NKAIN2: variants seen among roughly 807,000 people sequenced by gnomAD.
The protein encoded by NKAIN2 is sodium/potassium transporting ATPase interacting 2, also known as sodium/potassium-transporting ATPase subunit beta-1-interacting protein 2.
In NKAIN2, 14 loss-of-function variants were observed where a neutral mutation model predicts 32.6. The observed-to-expected ratio is 0.43, with a 90% confidence interval of 0.28 to 0.67. The LOEUF (loss-of-function observed/expected upper bound fraction) is 0.67, where lower values mean the gene tolerates loss of function less well. NKAIN2 is among the 30% of genes least tolerant of loss of function. The pLI is 0.17. For missense variants in NKAIN2, 198 were observed against 258.3 expected (o/e 0.77, Z 1.60); for synonymous variants, 80 against 87.2 (o/e 0.92, Z 0.46).
intron 3 of NKAIN2, among the ~76,000 whole-genome samples, chr6:124,522,433 G>A (rs777130909): frequency 4.1e-4 from 62 of 152,132 alleles, no homozygotes; most frequent in Admixed American, 1.3e-4. Context: ...ATTCCTTCAC[G>A]AGTAGATGTA....
intron 1 of NKAIN2, among the ~76,000 whole-genome samples, chr6:123,856,270 A>G (rs1042700552): frequency 2.0e-5 from 3 of 152,202 alleles, no homozygotes; most frequent in Non-Finnish European, 2.9e-5. Flanking sequence ...AACATTATGG[A>G]TATGTTAAGA....
chr6:124,619,735 A>G (rs1783040326), intron 3 of NKAIN2, among the ~76,000 whole-genome samples: 1 of 152,192 alleles, frequency 6.6e-6, no homozygotes, highest in South Asian at 2.1e-4. Context: ...AAAAATAATT[A>G]GTAATGTAAT....
chr6:124,494,592 A>C (rs1252648241), intron 3 of NKAIN2, among the ~76,000 whole-genome samples: 1 of 152,166 alleles, frequency 6.6e-6, no homozygotes, highest in Non-Finnish European at 1.5e-5. Flanking sequence ...ATTTAAAATC[A>C]TAACAGATAA....
rs76974682 is a variant in NKAIN2 at position 123,927,535 on chromosome 6, C to T, written c.54+123281C>T. On this transcript the variant is annotated intron_variant, in intron 1 of 6. Transcript: ENST00000368417. ...GGTCCCTGGATTGCTGGAATATGTC[C>T]GATGCCTCCAATTCTAGCTTCCATA... Among the ~76,000 whole-genome samples, 531 of 152,200 alleles carry T rather than the reference C, an allele frequency of 3.5e-3. 3 individuals carry two copies. The highest frequency in any genetic ancestry group is 0.012 in the African/African-American group (499 of 41,534).
intron 1 of NKAIN2, among the ~76,000 whole-genome samples, chr6:124,187,628 C>T (rs778905794): frequency 1.2e-4 from 18 of 152,172 alleles, no homozygotes; most frequent in Non-Finnish European, 2.1e-4. Context: ...TTTTGATAAA[C>T]ATGCTTATTT....
intron 3 of NKAIN2, among the ~76,000 whole-genome samples, chr6:124,381,697 A>G (rs77614964): frequency 0.02 from 2,979 of 152,288 alleles, 43 homozygotes; most frequent in Non-Finnish European, 0.031. Context: ...ACTGAATAAT[A>G]AAGATTAGCC....
intron 2 of NKAIN2, among the ~76,000 whole-genome samples, chr6:124,354,639 A>T (rs117328703): frequency 3.3e-4 from 50 of 152,146 alleles, no homozygotes; most frequent in African/African-American, 1.2e-3. Context: ...CTACACGGAG[A>T]TGGTTTTGCT....
chr6:123,874,263 G>A (rs1773055666), intron 1 of NKAIN2, among the ~76,000 whole-genome samples: 1 of 152,078 alleles, frequency 6.6e-6, no homozygotes, highest in African/African-American at 2.4e-5. Flanking sequence ...CCTAAATTCT[G>A]GTTTGTGACA....
At chr6:124,581,800 C>T (rs542789023) in intron 3 of NKAIN2, among the ~76,000 whole-genome samples, 1 of 152,110 alleles carries the variant, frequency 6.6e-6, no homozygotes, top group Admixed American at 6.5e-5. Context: ...TGTAAAACTT[C>T]TTGAAACAAA....
intron 1 of NKAIN2, among the ~76,000 whole-genome samples, chr6:124,164,262 T>C (rs1187923248): frequency 6.6e-6 from 1 of 152,016 alleles, no homozygotes; most frequent in Non-Finnish European, 1.5e-5. Flanking sequence ...AAACAGCATA[T>C]ACCCACGTTT....
In NKAIN2 at chr6:124,808,024, G is replaced by C. The variant is rs532475978; in HGVS notation, c.536-10363G>C. On this transcript the variant is annotated intron_variant, in intron 5 of 6. Coordinates refer to ENST00000368417, the MANE Select transcript of NKAIN2 (RefSeq NM_001040214.3). Reference sequence around the variant, plus strand: ...ACCAACCAAAAAGAGTCCAGGACCAGATGGATTCACAGCCAAATTCTACCA... The same window carrying C: ...ACCAACCAAAAAGAGTCCAGGACCACATGGATTCACAGCCAAATTCTACCA... Among the ~76,000 whole-genome samples the C allele has an allele frequency of 4.6e-3, 689 of 150,326 alleles. 5 individuals are homozygous for C. The highest frequency in any genetic ancestry group is 0.016 in the African/African-American group (657 of 41,296).
chr6:124,355,070 T>TAA (rs55912345), intron 2 of NKAIN2, among the ~76,000 whole-genome samples, 197 bp from the exon 3 acceptor site: 10,949 of 136,642 alleles, frequency 0.08, 742 homozygotes, highest in African/African-American at 0.19. Flanking sequence ...ACTTTGTCAT[T>TAA]AAAAAAAAAA....
intron 4 of NKAIN2, among the ~76,000 whole-genome samples, chr6:124,729,443 G>A (rs920674989): frequency 5.3e-5 from 8 of 151,870 alleles, no homozygotes; most frequent in African/African-American, 1.9e-4. Context: ...TATAAGCAGA[G>A]CCAAAGACAA....
chr6:124,120,378 A>G (rs1309108414), intron 1 of NKAIN2, among the ~76,000 whole-genome samples: 1 of 152,162 alleles, frequency 6.6e-6, no homozygotes, highest in Non-Finnish European at 1.5e-5. Flanking sequence ...CCTACTTTAT[A>G]ACATTAGTGG....
At chr6:124,113,261 A>T (rs998584703) in intron 1 of NKAIN2, among the ~76,000 whole-genome samples, 6 of 152,004 alleles carry the variant, frequency 3.9e-5, no homozygotes, top group Admixed American at 6.6e-5. Context: ...TCTGTGATAA[A>T]CTGAAGCTAT....
chr6:123,848,743 C>G (rs1775194533), intron 1 of NKAIN2, among the ~76,000 whole-genome samples: 1 of 152,148 alleles, frequency 6.6e-6, no homozygotes, highest in Admixed American at 6.5e-5. Flanking sequence ...TGTGTGCTTA[C>G]TTTCAGAGTG....
At chr6:124,168,607 A>G (rs1050132069) in intron 1 of NKAIN2, among the ~76,000 whole-genome samples, 1 of 151,958 alleles carries the variant, frequency 6.6e-6, no homozygotes, top group Non-Finnish European at 1.5e-5. Context: ...CTAACATAAA[A>G]CATTCTTTGA....
intron 4 of NKAIN2, among the ~76,000 whole-genome samples, chr6:124,690,111 T>C: frequency 6.6e-6 from 1 of 152,172 alleles, no homozygotes; most frequent in South Asian, 2.1e-4. Context: ...ATTTATTTAC[T>C]TCTTTGACAT....
intron 2 of NKAIN2, among the ~76,000 whole-genome samples, chr6:124,284,294 C>G (rs188141518): frequency 6.6e-6 from 1 of 151,942 alleles, no homozygotes; most frequent in Non-Finnish European, 1.5e-5. Context: ...CAGTGTAGGG[C>G]GGGTTGTACA....
Sources: gnomAD v4.1 joint callset for allele counts (sites outside exome capture counted in the v4.1 genomes callset) on GRCh38, gnomAD v4.1.1 for gene constraint, MANE v1.5 for transcripts, NCBI Gene and HGNC (gene_info 2026-07-23, HGNC 2026-07-21) for gene names.